Variants in TCTN2 observed in about 807,000 individuals in gnomAD.
TCTN2 encodes tectonic family member 2, also known as tectonic-2.
A neutral mutation model predicts 83.4 loss-of-function variants in TCTN2; 66 were observed. The observed-to-expected ratio is 0.79, with a 90% confidence interval of 0.65 to 0.97. The LOEUF (loss-of-function observed/expected upper bound fraction) is 0.97, where lower values mean the gene tolerates loss of function less well. TCTN2 is among the 50% of genes least tolerant of loss of function. The probability of loss-of-function intolerance (pLI) is 0.00; values close to 1 mark genes in which losing one functional copy is unlikely to be tolerated. For synonymous variants in TCTN2, 301 were observed against 326.7 expected, an observed-to-expected ratio of 0.92 and a Z score of 0.85; for missense variants, 794 against 858.1, an observed-to-expected ratio of 0.93 and a Z score of 0.93.
chr12:123,674,728 A>C (rs763197472), intron 4 of TCTN2, among the ~76,000 whole-genome samples: 4 of 152,186 alleles, frequency 2.6e-5, no homozygotes, highest in African/African-American at 4.8e-5. Context: ...TACTGTCTCT[A>C]TAAAAAATTT....
Position 123,673,601 on chromosome 12 carries a change from T to C in TCTN2, c.268-14T>C. 1.9e-6 allele frequency: 3 copies of C among 1,614,042 alleles called. No homozygotes were observed. Among genetic ancestry groups the C allele is most frequent in the Middle Eastern group, 1.6e-4 (1 of 6,062 alleles). ...TTGAGTCACTTTAAAAATACAGCAATGTTTTCCTTTCAGAAGGTGTTGGAA... is the reference window on the plus strand; with the variant it reads ...TTGAGTCACTTTAAAAATACAGCAACGTTTTCCTTTCAGAAGGTGTTGGAA... On this transcript the variant is annotated splice_polypyrimidine_tract_variant and intron_variant, in intron 3 of 17. Transcript: ENST00000303372.
chr12:123,707,213 G>GATCA, intron 17 of TCTN2, 140 bp downstream of exon 17: 2 of 751,782 alleles, frequency 2.7e-6, no homozygotes, highest in South Asian at 3.3e-5. Flanking sequence ...ACTTGGAAGT[G>GATCA]ATCACCATTA....
At position 123,694,918 on chromosome 12, in the gene TCTN2, T is replaced by C; in HGVS notation, c.1176T>C (p.Asn392=). Residue 392 remains asparagine, a synonymous_variant, in exon 10 of 18, where the codon AAT becomes AAC. Coordinates refer to ENST00000303372, the MANE Select transcript of TCTN2 (RefSeq NM_024809.5). The part of the protein sequence containing the change: ...EEHYIFKWNN[N]TISEINVKIF... Reference sequence around the variant, plus strand: ...ATTATATTTTCAAATGGAATAATAATACCATCAGTGAAATAAATGTTAAAA... The same window carrying C: ...ATTATATTTTCAAATGGAATAATAACACCATCAGTGAAATAAATGTTAAAA... The C allele has an allele frequency of 6.2e-7, 1 of 1,613,446 alleles. No individual in the cohort carries two copies.
intron 5 of TCTN2, among the ~76,000 whole-genome samples, chr12:123,679,942 T>C (rs1389821205): frequency 1.3e-5 from 2 of 151,432 alleles, no homozygotes; most frequent in Non-Finnish European, 3.0e-5. Flanking sequence ...GGTTTCACCG[T>C]GTTAGCCAGG....
In TCTN2 at chr12:123,681,730, T is replaced by C. The variant is rs117251955; in HGVS notation, c.564+2441T>C. On this transcript the variant is annotated intron_variant, in intron 5 of 17. Coordinates refer to ENST00000303372, the MANE Select transcript of TCTN2 (RefSeq NM_024809.5). Reference sequence around the variant, plus strand: ...TTGTGGACAGGTTTTTGTGTGAACATATGTTTCCATTTCTCTTGGGGATAT... The same window carrying C: ...TTGTGGACAGGTTTTTGTGTGAACACATGTTTCCATTTCTCTTGGGGATAT... Among the ~76,000 whole-genome samples, 929 of 152,358 alleles carry C rather than the reference T, an allele frequency of 6.1e-3. 18 individuals carry two copies. Among genetic ancestry groups the C allele is most frequent in the Admixed American group, 0.04 (607 of 15,300 alleles).
Position 123,679,184 on chromosome 12 carries a change from T to C in TCTN2, c.464-5T>C. 1.2e-6 allele frequency: 2 copies of C among 1,611,756 alleles called. No homozygotes were observed. Among genetic ancestry groups the C allele is most frequent in the South Asian group, 1.1e-5 (1 of 91,030 alleles). ...CTGAATTTTTCTGTTGTGTGTACTT[T>C]TCAGAGAACGTGACTGTCATTCCTA... On this transcript the variant is annotated splice_polypyrimidine_tract_variant and splice_region_variant and intron_variant, in intron 4 of 17. Coordinates refer to ENST00000303372, the MANE Select transcript of TCTN2 (RefSeq NM_024809.5).
In TCTN2 at chr12:123,679,175, TG is replaced by T; in HGVS notation, c.464-13del. 6.2e-7 allele frequency: 1 copy of T among 1,600,192 alleles called. No homozygotes were observed. Among genetic ancestry groups the T allele is most frequent in the Non-Finnish European group, 8.6e-7 (1 of 1,167,340 alleles). On this transcript the variant is annotated splice_polypyrimidine_tract_variant and intron_variant, in intron 4 of 17. Coordinates refer to ENST00000303372, the MANE Select transcript of TCTN2 (RefSeq NM_024809.5). ...GTTTCTTAGCTGAATTTTTCTGTTG[TG>T]TGTACTTTTCAGAGAACGTGACTGT...
intron 4 of TCTN2, among the ~76,000 whole-genome samples, chr12:123,677,161 G>T (rs1955833648): frequency 6.6e-6 from 1 of 152,042 alleles, no homozygotes; most frequent in Admixed American, 6.6e-5. Context: ...AGCCTGGGCA[G>T]CAGAGTGAGA....
intron 7 of TCTN2, among the ~76,000 whole-genome samples, chr12:123,688,592 C>T (rs1298342948): frequency 6.6e-6 from 1 of 152,116 alleles, no homozygotes; most frequent in Non-Finnish European, 1.5e-5. Flanking sequence ...TTTTAAGTTA[C>T]TTACTTTCCT....
At chr12:123,684,491 C>T (rs1233565015) in intron 5 of TCTN2, among the ~76,000 whole-genome samples, 1 of 151,216 alleles carries the variant, frequency 6.6e-6, no homozygotes, top group African/African-American at 2.4e-5. Context: ...ACCTCCGCCT[C>T]CCGGGTTCAA....
At chr12:123,681,330 T>TTTA (rs762175772) in intron 5 of TCTN2, among the ~76,000 whole-genome samples, 1 of 151,984 alleles carries the variant, frequency 6.6e-6, no homozygotes, top group Non-Finnish European at 1.5e-5. Flanking sequence ...TGTACAACCA[T>TTTA]CACCACAATC....
At chr12:123,674,708 A>C (rs1226238402) in intron 4 of TCTN2, among the ~76,000 whole-genome samples, 1 of 152,186 alleles carries the variant, frequency 6.6e-6, no homozygotes, top group African/African-American at 2.4e-5. Flanking sequence ...AACCTGGGCA[A>C]CACAGCAGAT....
chr12:123,704,510 G>A (rs758247048), intron 14 of TCTN2, 22 bp from the exon 15 acceptor site: 5 of 1,594,770 alleles, frequency 3.1e-6, no homozygotes, highest in Middle Eastern at 3.4e-4. Context: ...TTTGAAAAGT[G>A]TATAACTTAA....
rs1005159121 is a variant in TCTN2 at position 123,707,645 on chromosome 12, C to T, written c.2026C>T (p.Leu676=). 1 of 1,614,222 alleles carries T rather than the reference C, an allele frequency of 6.2e-7. No homozygotes were observed. Among genetic ancestry groups the T allele is most frequent in the Non-Finnish European group, 8.5e-7 (1 of 1,180,032 alleles). Residue 676 remains leucine (L), a synonymous_variant, in exon 18 of 18, where the codon CTG becomes TTG. Coordinates refer to ENST00000303372, the MANE Select transcript of TCTN2 (RefSeq NM_024809.5). The part of the protein sequence containing the change: ...SQCVAKGLLL[L]LFLTLALFLS... ...GTGTGTTGCTAAGGGCTTACTGTTG[C>T]TGTTGTTCCTCACATTGGCCTTGTT...
At chr12:123,677,232 T>C (rs1408989335) in intron 4 of TCTN2, among the ~76,000 whole-genome samples, 1 of 152,180 alleles carries the variant, frequency 6.6e-6, no homozygotes, top group Non-Finnish European at 1.5e-5. Context: ...TTGATAACAC[T>C]GAGGGTCAGA....
intron 4 of TCTN2, among the ~76,000 whole-genome samples, chr12:123,675,167 T>C (rs1259128314): frequency 6.6e-6 from 1 of 152,180 alleles, no homozygotes; most frequent in African/African-American, 2.4e-5. Flanking sequence ...CAGGAGCCAC[T>C]GCACCTGGTC....
At chr12:123,679,606 C>T (rs946787677) in intron 5 of TCTN2, among the ~76,000 whole-genome samples, 1 of 152,060 alleles carries the variant, frequency 6.6e-6, no homozygotes, top group Non-Finnish European at 1.5e-5. Context: ...TCAAACAGTC[C>T]TCCTACCTTG....
intron 5 of TCTN2, among the ~76,000 whole-genome samples, chr12:123,681,337 A>C (rs1955897596): frequency 6.6e-6 from 1 of 152,006 alleles, no homozygotes. Context: ...CCATCACCAC[A>C]ATCTATCTTC....
intron 5 of TCTN2, among the ~76,000 whole-genome samples, chr12:123,686,362 A>T (rs976284232): frequency 1.3e-5 from 2 of 149,444 alleles, no homozygotes; most frequent in Non-Finnish European, 2.9e-5. Flanking sequence ...CAATTTCTTG[A>T]TGACATTAAT....
Sources: gnomAD v4.1 joint callset for allele counts (sites outside exome capture counted in the v4.1 genomes callset) on GRCh38, gnomAD v4.1.1 for gene constraint, MANE v1.5 for transcripts, NCBI Gene and HGNC (gene_info 2026-07-23, HGNC 2026-07-21) for gene names.